The following ELAVL4 variants were observed in gnomAD, a reference collection of about 807,000 sequenced individuals.
The protein encoded by ELAVL4 is ELAV like RNA binding protein 4.
A neutral mutation model predicts 35.6 loss-of-function variants in ELAVL4; 1 was observed. The ratio of observed to expected loss-of-function variants is 0.03; its 90% confidence interval spans 0.01 to 0.13. ELAVL4 has a LOEUF of 0.13. Ranked by LOEUF, ELAVL4 falls within the 10% of genes least tolerant of loss-of-function variation. ELAVL4 has a pLI of 1.00. For synonymous variants in ELAVL4, 156 were observed against 171.0 expected (o/e 0.91, Z 0.69); for missense variants, 267 against 464.9 (o/e 0.57, Z 3.91).
intron 3 of ELAVL4, among the ~76,000 whole-genome samples, chr1:50,185,749 T>C (rs1020998445): frequency 6.6e-6 from 1 of 152,202 alleles, no homozygotes; most frequent in Non-Finnish European, 1.5e-5. Flanking sequence ...TCCATCTACA[T>C]GTTTCAGTGA....
At chr1:50,186,646 T>G (rs2494875) in intron 3 of ELAVL4, among the ~76,000 whole-genome samples, 133,064 of 152,112 alleles carry the variant, frequency 0.87, 60,116 homozygotes, top group East Asian at 1. Flanking sequence ...AGAAATTTTC[T>G]GGACATATTC....
At chr1:50,189,222 G>A (rs550183746) in intron 3 of ELAVL4, among the ~76,000 whole-genome samples, 18 of 152,194 alleles carry the variant, frequency 1.2e-4, no homozygotes, top group Non-Finnish European at 2.2e-4. Context: ...AAGGAGTGAG[G>A]TATTGCTGGA....
intron 1 of ELAVL4, among the ~76,000 whole-genome samples, chr1:50,110,640 G>A (rs1014730763): frequency 4.6e-5 from 7 of 152,108 alleles, no homozygotes; most frequent in African/African-American, 1.7e-4. Flanking sequence ...ACCAGCAATA[G>A]GTTTCACAAG....
At chr1:50,106,211 A>C (rs1337110606), upstream of ELAVL4, 2 of 1,115,534 alleles carry the variant, frequency 1.8e-6, no homozygotes, top group Non-Finnish European at 2.6e-6. Context: ...GTAGTTATTA[A>C]CGCTGAATTG....
At chr1:50,160,910 G>A (rs1676690570) in intron 2 of ELAVL4, among the ~76,000 whole-genome samples, 1 of 152,186 alleles carries the variant, frequency 6.6e-6, no homozygotes, top group Admixed American at 6.5e-5. Flanking sequence ...TGTCTGGTGG[G>A]AGTTTTAGAA....
chr1:50,170,199 A>G (rs768884893), intron 2 of ELAVL4, among the ~76,000 whole-genome samples: 1 of 152,212 alleles, frequency 6.6e-6, no homozygotes, highest in African/African-American at 2.4e-5. Context: ...ACCAACATCT[A>G]TTGAGCATCT....
intron 1 of ELAVL4, among the ~76,000 whole-genome samples, chr1:50,131,386 C>CA (rs1670826126): frequency 6.6e-6 from 1 of 152,002 alleles, no homozygotes; most frequent in African/African-American, 2.4e-5. Context: ...TTTGAAAAGG[C>CA]AAAAGATTGT....
intron 1 of ELAVL4, among the ~76,000 whole-genome samples, chr1:50,131,015 T>C (rs34279383): frequency 0.069 from 10,535 of 152,204 alleles, 826 homozygotes; most frequent in East Asian, 0.42. Context: ...ATAAAAAGAA[T>C]ATATTAAGAG....
intron 1 of ELAVL4, among the ~76,000 whole-genome samples, chr1:50,067,785 G>C (rs1458465953): frequency 2.0e-5 from 3 of 152,184 alleles, no homozygotes; most frequent in Non-Finnish European, 4.4e-5. Flanking sequence ...AGTTCCACAT[G>C]GCTGTGGAAG....
At chr1:50,126,399 C>A (rs1572287814) in intron 1 of ELAVL4, among the ~76,000 whole-genome samples, 1 of 152,020 alleles carries the variant, frequency 6.6e-6, no homozygotes, top group Non-Finnish European at 1.5e-5. Context: ...GAGTCCAATT[C>A]TTTCTAGTAA....
rs1644426426 is a variant in ELAVL4 at position 50,202,456 on chromosome 1, G to A, written c.*1278G>A. 6.6e-6 allele frequency: 1 copy of A among 152,128 alleles called. No homozygotes were observed. The highest frequency in any genetic ancestry group is 2.4e-5 in the African/African-American group (1 of 41,438). The allele number at this position is 152,128 out of a possible 1,614,324, so 9.4% of individuals were successfully genotyped here. A position where few individuals can be genotyped will look rare whatever the true frequency, so the allele number is the denominator to read the frequency against. ...ATTAAGAAATTTTCAAATTCACTTT[G>A]TAGCCCATGCTGATAGAATTGGGCT... On this transcript the variant is annotated 3_prime_UTR_variant, in exon 7 of 7. Transcript: ENST00000371824.
At chr1:50,164,248 T>C (rs1201353926) in intron 2 of ELAVL4, among the ~76,000 whole-genome samples, 1 of 152,202 alleles carries the variant, frequency 6.6e-6, no homozygotes, top group Non-Finnish European at 1.5e-5. Context: ...AAAGGGATCT[T>C]ATGGGTCAGT....
At chr1:50,096,232 G>A (rs1403376702) in intron 1 of ELAVL4, among the ~76,000 whole-genome samples, 1 of 151,750 alleles carries the variant, frequency 6.6e-6, no homozygotes. Context: ...TTGAAAACAG[G>A]TGGGAGAGAC....
At chr1:50,136,470 C>G (rs936953326) in intron 1 of ELAVL4, among the ~76,000 whole-genome samples, 3 of 152,098 alleles carry the variant, frequency 2.0e-5, no homozygotes, top group South Asian at 4.1e-4. Context: ...AGTGACTGCC[C>G]TTGGTAAACA....
intron 3 of ELAVL4, among the ~76,000 whole-genome samples, chr1:50,186,463 A>C (rs1036327337): frequency 7.2e-5 from 11 of 152,288 alleles, no homozygotes; most frequent in African/African-American, 2.2e-4. Context: ...GGGTAAGTGT[A>C]ACTATTGCCA....
chr1:50,168,034 T>C (rs957376900), intron 2 of ELAVL4, among the ~76,000 whole-genome samples: 11 of 152,218 alleles, frequency 7.2e-5, no homozygotes, highest in African/African-American at 2.7e-4. Context: ...AAGTTCTGCC[T>C]ACTGGGAAGA....
At chr1:50,061,379 G>A (rs1014159618) in intron 1 of ELAVL4, among the ~76,000 whole-genome samples, 2 of 152,092 alleles carry the variant, frequency 1.3e-5, no homozygotes, top group Non-Finnish European at 2.9e-5. Context: ...ACACATTTAT[G>A]TTTCCTACCT....
intron 1 of ELAVL4, among the ~76,000 whole-genome samples, chr1:50,138,380 A>G (rs1572355391): frequency 1.3e-5 from 2 of 152,026 alleles, no homozygotes; most frequent in South Asian, 2.1e-4. Context: ...AAGGCATTCA[A>G]TAGGTTTTCT....
At chr1:50,093,073 C>T (rs1038148951) in intron 1 of ELAVL4, among the ~76,000 whole-genome samples, 9 of 152,176 alleles carry the variant, frequency 5.9e-5, no homozygotes, top group African/African-American at 1.7e-4. Flanking sequence ...TAAATATTTG[C>T]TGAATGAATT....
Sources: allele counts gnomAD v4.1 joint callset (sites outside exome capture counted in the v4.1 genomes callset), GRCh38; gene constraint gnomAD v4.1.1; transcripts MANE v1.5; gene names NCBI Gene and HGNC (gene_info 2026-07-23, HGNC 2026-07-21).